CNEP1R1: variants seen among roughly 807,000 people sequenced by gnomAD.
The protein encoded by CNEP1R1 is CTD nuclear envelope phosphatase 1 regulatory subunit 1, also known as nuclear envelope phosphatase-regulatory subunit 1.
In CNEP1R1, 10 loss-of-function variants were observed where a neutral mutation model predicts 22.7. That is an observed-to-expected ratio of 0.44 (90% CI 0.27 to 0.75). CNEP1R1 has a LOEUF of 0.75. Ranked by LOEUF, CNEP1R1 falls within the 30% of genes least tolerant of loss-of-function variation. The probability of loss-of-function intolerance (pLI) is 0.17; values close to 1 mark genes in which losing one functional copy is unlikely to be tolerated. For synonymous variants in CNEP1R1, 53 were observed against 50.1 expected (o/e 1.06, Z -0.25); for missense variants, 73 against 151.5 (o/e 0.48, Z 2.72).
At chr16:50,029,837 G>A (rs1357444321) in intron 3 of CNEP1R1, 39 bp downstream of exon 3, 2 of 1,165,424 alleles carry the variant, frequency 1.7e-6, no homozygotes, top group African/African-American at 1.5e-5. Flanking sequence ...ATAATTAAAT[G>A]AGATAATGGA....
Position 50,035,035 on chromosome 16 carries a change from G to A in CNEP1R1, c.337-382G>A, listed in dbSNP as rs76799021. ...TTCAATTTAAAAAGTCATTAAACAA[G>A]TAATACCTATTCATTACAGAAATTA... is the stretch of plus-strand genomic sequence containing the variant. On this transcript the variant is annotated intron_variant, in intron 5 of 5. Transcript: ENST00000427478. Among the ~76,000 whole-genome samples the A allele has an allele frequency of 8.8e-3, 1,343 of 151,978 alleles. 14 individuals are homozygous for A. The highest frequency in any genetic ancestry group is 0.031 in the African/African-American group (1,282 of 41,464).
In CNEP1R1 at chr16:50,026,459, G is replaced by A; in HGVS notation, c.89G>A (p.Arg30His). 6.2e-7 allele frequency: 1 copy of A among 1,607,686 alleles called. No individual in the cohort carries two copies. Among genetic ancestry groups the A allele is most frequent in the South Asian group, 1.1e-5 (1 of 89,950 alleles). ...CATTGTTTGCAACCTGCTACTGGAC[G>A]CTGGAGAAGTAAGTTCCTGAATGTT... ...YIHCLQPATG[R>H]WRMLLIVVSV... The change falls in exon 2 of 6, where the codon CGC becomes CAC. Residue 30 changes from arginine to histidine, a missense_variant. Physicochemically the swap from Arg to His is conservative, Grantham distance 29. Coordinates refer to ENST00000427478, the MANE Select transcript of CNEP1R1 (RefSeq NM_001281789.2).
intron 1 of CNEP1R1, 36 bp downstream of exon 1, chr16:50,025,376 C>T (rs1204302372): frequency 1.4e-6 from 2 of 1,428,962 alleles, no homozygotes; most frequent in South Asian, 1.5e-5. Context: ...CCCCGTCTCC[C>T]CTCGGAAGCT....
At chr16:50,034,854 A>G (rs1404527580) in intron 5 of CNEP1R1, among the ~76,000 whole-genome samples, 1 of 151,904 alleles carries the variant, frequency 6.6e-6, no homozygotes, top group Non-Finnish European at 1.5e-5. Context: ...GTGAGCTGTG[A>G]TCATACCACT....
At chr16:50,029,140 G>A (rs1443458358) in intron 2 of CNEP1R1, among the ~76,000 whole-genome samples, 1 of 152,040 alleles carries the variant, frequency 6.6e-6, no homozygotes, top group African/African-American at 2.4e-5. Flanking sequence ...AATCATTCTA[G>A]CTTAGTGGAG....
rs920085541 is a variant in CNEP1R1 at position 50,036,415 on chromosome 16, A to C, written c.*957A>C. 6 of 152,170 alleles carry C rather than the reference A, an allele frequency of 3.9e-5. No homozygotes were observed. The highest frequency in any genetic ancestry group is 1.4e-4 in the African/African-American group (6 of 41,440). The allele number at this position is 152,170 out of a possible 1,614,324, so 9.4% of individuals were successfully genotyped here. ...CATCCTCCCAAAATGCTGGGATTAC[A>C]GGCATAAGCCACCGTGCCTGGCCTC... On this transcript the variant is annotated 3_prime_UTR_variant, in exon 6 of 6. Transcript: ENST00000427478.
Position 50,026,384 on chromosome 16 carries a change from C to T in CNEP1R1, c.26-12C>T, listed in dbSNP as rs748020845. On this transcript the variant is annotated splice_polypyrimidine_tract_variant and intron_variant, in intron 1 of 5. Transcript: ENST00000427478. ...GAGTGGCTAATTAGAAAATTGACAT[C>T]TTTATACCTAGATCTCAAGGCTTTT... 7.3e-5 allele frequency: 116 copies of T among 1,594,274 alleles called. No individual in the cohort carries two copies. Among genetic ancestry groups the T allele is most frequent in the Non-Finnish European group, 9.4e-5 (110 of 1,167,054 alleles).
Position 50,036,734 on chromosome 16 carries a change from A to G in CNEP1R1, c.*1276A>G, listed in dbSNP as rs1311690600. 1 of 152,646 alleles carries G rather than the reference A, an allele frequency of 6.6e-6. No homozygotes were observed. The highest frequency in any genetic ancestry group is 1.5e-5 in the Non-Finnish European group (1 of 68,042). 9.5% of individuals were successfully genotyped at this position (152,646 alleles called of 1,614,324 possible). ...GTACTATAATAGCCCTTAAAATTAAACTATTGGGATTGCTGTAAATATTTT... is the reference window on the plus strand; with the variant it reads ...GTACTATAATAGCCCTTAAAATTAAGCTATTGGGATTGCTGTAAATATTTT... On this transcript the variant is annotated 3_prime_UTR_variant, in exon 6 of 6. Coordinates refer to ENST00000427478, the MANE Select transcript of CNEP1R1 (RefSeq NM_001281789.2).
rs1486609632 is a variant in CNEP1R1, at chr16:50,035,763, G to C, written c.*305G>C. ...AAACTTAGAAACAGAACCTCATTCA[G>C]TTTTTATAATGTATTTTTGCAAACT... On this transcript the variant is annotated 3_prime_UTR_variant, in exon 6 of 6. Coordinates refer to ENST00000427478, the MANE Select transcript of CNEP1R1 (RefSeq NM_001281789.2). 1.5e-5 allele frequency: 4 copies of C among 264,010 alleles called. No individual in the cohort carries two copies. Among genetic ancestry groups the C allele is most frequent in the Non-Finnish European group, 2.8e-5 (4 of 140,476 alleles). The allele number at this position is 264,010 out of a possible 1,614,324, so 16.4% of individuals were successfully genotyped here. A position where few individuals can be genotyped will look rare whatever the true frequency, so the allele number is the denominator to read the frequency against.
chr16:50,034,979 T>C (rs909958722), intron 5 of CNEP1R1, among the ~76,000 whole-genome samples: 2 of 152,228 alleles, frequency 1.3e-5, no homozygotes, highest in Admixed American at 6.5e-5. Flanking sequence ...TATTTTGATT[T>C]GCTTATTTTA....
Position 50,025,345 on chromosome 16 carries a change from G to T in CNEP1R1, c.25+5G>T. 2 of 1,437,388 alleles carry T rather than the reference G, an allele frequency of 1.4e-6. No individual in the cohort carries two copies. The highest frequency in any genetic ancestry group is 2.9e-5 in the South Asian group (2 of 68,638). 89.0% of individuals were successfully genotyped at this position (1,437,388 alleles called of 1,614,324 possible). On this transcript the variant is annotated splice_donor_5th_base_variant and intron_variant, in intron 1 of 5. Transcript: ENST00000427478. Reference sequence around the variant, plus strand: ...ACTCGCTGGAGCAGGCGGAAGGTAGGGTGGGCCGCCCGGGCCCGTCCCCCG... The same window carrying T: ...ACTCGCTGGAGCAGGCGGAAGGTAGTGTGGGCCGCCCGGGCCCGTCCCCCG...
At chr16:50,027,702 A>T (rs1158902787) in intron 2 of CNEP1R1, among the ~76,000 whole-genome samples, 1 of 151,904 alleles carries the variant, frequency 6.6e-6, no homozygotes, top group African/African-American at 2.4e-5. Context: ...AAGTAAAGTC[A>T]TGTTATTTAA....
intron 5 of CNEP1R1, 27 bp downstream of exon 5, chr16:50,034,183 A>G (rs2144283043): frequency 1.3e-6 from 2 of 1,493,526 alleles, no homozygotes; most frequent in South Asian, 2.4e-5. Flanking sequence ...TTAGAAAATT[A>G]TAGACCTGCA....
chr16:50,026,379 G>A lies in CNEP1R1; in HGVS notation c.26-17G>A, dbSNP rs765285578. ...AGTAAGAGTGGCTAATTAGAAAATT[G>A]ACATCTTTATACCTAGATCTCAAGG... On this transcript the variant is annotated splice_polypyrimidine_tract_variant and intron_variant, in intron 1 of 5. Transcript: ENST00000427478. 10 of 1,584,116 alleles carry A rather than the reference G, an allele frequency of 6.3e-6. No individual in the cohort carries two copies. In the South Asian group the frequency reaches 9.1e-5, roughly 14 times the overall value.
At chr16:50,025,645 T>G (rs1349710777) in intron 1 of CNEP1R1, 1 of 1,613,438 alleles carries the variant, frequency 6.2e-7, no homozygotes, top group Admixed American at 1.7e-5. Flanking sequence ...CATTTCATTC[T>G]CACAGCCCCG....
intron 1 of CNEP1R1, 82 bp downstream of exon 1, chr16:50,025,422 C>G (rs1455332043): frequency 2.2e-6 from 3 of 1,354,098 alleles, no homozygotes; most frequent in South Asian, 1.5e-5. Flanking sequence ...CGTGAAGACC[C>G]CCGCCCCGGG....
rs1157579147 is a variant in CNEP1R1, at chr16:50,025,764, CCACT to C, written c.25+430_25+433del. 12 of 1,408,810 alleles carry C rather than the reference CCACT, an allele frequency of 8.5e-6. No homozygotes were observed. The East Asian group carries it at 2.5e-4, about 29-fold the overall frequency. 87.3% of individuals were successfully genotyped at this position (1,408,810 alleles called of 1,614,324 possible). A position where few individuals can be genotyped will look rare whatever the true frequency, so the allele number is the denominator to read the frequency against. ...ACACCACTGCGGAAAGGATACCCCA[CCACT>C]CACTCGGAGCAGCTTAGACGCCCCT... On this transcript the variant is annotated intron_variant, in intron 1 of 5. Transcript: ENST00000427478.
At chr16:50,025,463 C>G in intron 1 of CNEP1R1, 123 bp downstream of exon 1, 1 of 1,214,952 alleles carries the variant, frequency 8.2e-7, no homozygotes. Context: ...GCTAGGGGCC[C>G]GGAGCTTGGG....
intron 1 of CNEP1R1, chr16:50,025,725 T>G: frequency 1.9e-6 from 3 of 1,603,508 alleles, no homozygotes; most frequent in Non-Finnish European, 2.6e-6. Flanking sequence ...GCTCGGTGTT[T>G]TAAAGTTTAA....
Sources: allele counts gnomAD v4.1 joint callset (sites outside exome capture counted in the v4.1 genomes callset), GRCh38; gene constraint gnomAD v4.1.1; transcripts MANE v1.5; gene names NCBI Gene and HGNC (gene_info 2026-07-23, HGNC 2026-07-21).